ARL14EPL: variants seen among roughly 807,000 people sequenced by gnomAD.
ARL14EPL encodes ARF like GTPase 14 effector protein like, also known as ARL14 effector protein-like.
A neutral mutation model predicts 15.9 loss-of-function variants in ARL14EPL; 17 were observed. The ratio of observed to expected loss-of-function variants is 1.07; its 90% CI spans 0.73 to 1.60. The LOEUF (loss-of-function observed/expected upper bound fraction) is 1.60. Among genes scored for constraint, ARL14EPL ranks in the 40% most tolerant of loss-of-function variants. The pLI is 0.00. For synonymous variants in ARL14EPL, 78 were observed against 63.8 expected (o/e 1.22, Z -1.06); for missense variants, 214 against 185.9 (o/e 1.15, Z -0.88).
chr5:116,050,780 A>ATCTCTCTCTCTCTC (rs141191776), intron 1 of ARL14EPL, among the ~76,000 whole-genome samples: 17 of 128,866 alleles, frequency 1.3e-4, no homozygotes, highest in South Asian at 5.4e-4. Context: ...TATGGGCTCC[A>ATCTCTCTCTCTCTC]TCTCTCTCTC....
At chr5:116,042,688 A>T (rs1749184700) in intron 1 of ARL14EPL, among the ~76,000 whole-genome samples, 1 of 152,182 alleles carries the variant, frequency 6.6e-6, no homozygotes, top group African/African-American at 2.4e-5. Flanking sequence ...CTTCAGGAAG[A>T]TAAAGCTAGA....
intron 3 of ARL14EPL, among the ~76,000 whole-genome samples, chr5:116,054,549 T>TGGCTG (rs1393179330): frequency 6.6e-6 from 1 of 152,182 alleles, no homozygotes; most frequent in East Asian, 1.9e-4. Flanking sequence ...CTAAGTAAAC[T>TGGCTG]GGCTGGGCAC....
intron 1 of ARL14EPL, among the ~76,000 whole-genome samples, chr5:116,043,945 C>T (rs2416423): frequency 0.1 from 15,448 of 152,176 alleles, 1,908 homozygotes; most frequent in African/African-American, 0.29. Context: ...AAAGAATTTA[C>T]TGTGTAGGAA....
chr5:116,048,936 A>G lies in ARL14EPL; in HGVS notation c.-9-2521A>G, dbSNP rs567871368. On this transcript the variant is annotated intron_variant, in intron 1 of 3. Coordinates refer to ENST00000686077, the MANE Select transcript of ARL14EPL (RefSeq NM_001195581.2). ...TTATGATGTCTGGGAGGGGGAGATAATACAATGTTTCTCATTTATGATCAG... is the reference window on the plus strand; with the variant it reads ...TTATGATGTCTGGGAGGGGGAGATAGTACAATGTTTCTCATTTATGATCAG... Among the ~76,000 whole-genome samples the G allele has an allele frequency of 4.6e-5, 7 of 152,346 alleles. No individual in the cohort carries two copies. In the East Asian group the frequency reaches 1.3e-3, roughly 29 times the overall value.
chr5:116,042,592 G>C (rs1749181114), intron 1 of ARL14EPL, among the ~76,000 whole-genome samples: 1 of 152,192 alleles, frequency 6.6e-6, no homozygotes, highest in Non-Finnish European at 1.5e-5. Context: ...GACAATAAGG[G>C]CTATTCTTCT....
intron 3 of ARL14EPL, among the ~76,000 whole-genome samples, chr5:116,054,488 G>A (rs943098376): frequency 2.0e-5 from 3 of 152,112 alleles, no homozygotes; most frequent in Non-Finnish European, 4.4e-5. Flanking sequence ...TATTAAATGG[G>A]CACAGGACTA....
In ARL14EPL at chr5:116,059,076, C is replaced by T; in HGVS notation, c.*129C>T. 1 of 846,046 alleles carries T rather than the reference C, an allele frequency of 1.2e-6. No homozygotes were observed. Among genetic ancestry groups the T allele is most frequent in the Non-Finnish European group, 1.8e-6 (1 of 548,002 alleles). The allele number at this position is 846,046 out of a possible 1,614,324, so 52.4% of individuals were successfully genotyped here. A position where few individuals can be genotyped will look rare whatever the true frequency, so the allele number is the denominator to read the frequency against. ...TACTGAAGACTCATGTTCTGTCAAGCCCCAGAACAATGTAGAATGGGCAAT... is the reference window on the plus strand; with the variant it reads ...TACTGAAGACTCATGTTCTGTCAAGTCCCAGAACAATGTAGAATGGGCAAT... On this transcript the variant is annotated 3_prime_UTR_variant, in exon 4 of 4. Coordinates refer to ENST00000686077, the MANE Select transcript of ARL14EPL (RefSeq NM_001195581.2).
intron 3 of ARL14EPL, among the ~76,000 whole-genome samples, chr5:116,057,788 C>A (rs1190199842): frequency 6.6e-6 from 1 of 152,172 alleles, no homozygotes; most frequent in Non-Finnish European, 1.5e-5. Flanking sequence ...GGAGAGGAGG[C>A]ATTGTGCCTG....
At chr5:116,040,488 G>C (rs1301401916) in intron 1 of ARL14EPL, among the ~76,000 whole-genome samples, 2 of 151,736 alleles carry the variant, frequency 1.3e-5, no homozygotes, top group East Asian at 3.9e-4. Context: ...GGCACAGTTA[G>C]ATACAGCAAG....
In ARL14EPL at chr5:116,059,109, T is replaced by TA; in HGVS notation, c.*164dup. 1.5e-6 allele frequency: 1 copy of TA among 661,952 alleles called. No homozygotes were observed. The highest frequency in any genetic ancestry group is 2.5e-6 in the Non-Finnish European group (1 of 395,546). The allele number at this position is 661,952 out of a possible 1,614,324, so 41.0% of individuals were successfully genotyped here. On this transcript the variant is annotated 3_prime_UTR_variant, in exon 4 of 4. Coordinates refer to ENST00000686077, the MANE Select transcript of ARL14EPL (RefSeq NM_001195581.2). ...CAATGTAGAATGGGCAATAATTCTG[T>TA]AACCTTCTTAACTGTGTCAACAATT...
chr5:116,052,289 AAGCTCGGAGAG>A (rs1749402413), intron 2 of ARL14EPL: 1 of 1,412,808 alleles, frequency 7.1e-7, no homozygotes, highest in African/African-American at 1.4e-5. Flanking sequence ...CGGCATTGCG[AAGCTCGGAGAG>A]TAGCAGCAGA....
In ARL14EPL at chr5:116,058,929, G is replaced by T. The variant is rs6880759; in HGVS notation, c.441G>T (p.Pro147=). Residue 147 remains proline, a synonymous_variant, in exon 4 of 4, where the codon CCG becomes CCT. Transcript: ENST00000686077. The part of the protein sequence containing the change: ...TESGEVISTL[P]FNVPD ...CAGGAGAGGTCATCAGCACGCTGCC[G>T]TTTAATGTTCCTGACTAGGTGCTCT... 0.036 allele frequency: 55,777 copies of T among 1,535,840 alleles called. 1,483 individuals carry two copies. The highest frequency in any genetic ancestry group is 0.15 in the East Asian group (6,240 of 40,906).
intron 2 of ARL14EPL, chr5:116,052,352 T>C: frequency 1.2e-6 from 1 of 850,986 alleles, no homozygotes; most frequent in Non-Finnish European, 2.0e-6. Flanking sequence ...AAGCTACAAA[T>C]GTTTTTATTT....
At chr5:116,033,756 T>A (rs938127238) in intron 1 of ARL14EPL, among the ~76,000 whole-genome samples, 2 of 152,216 alleles carry the variant, frequency 1.3e-5, no homozygotes, top group African/African-American at 4.8e-5. Context: ...CCAAGCTATA[T>A]TCTTAAAAGT....
chr5:116,045,745 A>AGTGTGT lies in ARL14EPL; in HGVS notation c.-9-5681_-9-5676dup, dbSNP rs56960751. On this transcript the variant is annotated intron_variant, in intron 1 of 3. Transcript: ENST00000686077. ...ACATTGTTTCATATAGACCCACAGA[A>AGTGTGT]GTGTGTGTGTGTGTGTGTGTGTGTG... Among the ~76,000 whole-genome samples, 237 of 148,734 alleles carry AGTGTGT rather than the reference A, an allele frequency of 1.6e-3. 5 individuals carry two copies. Among genetic ancestry groups the AGTGTGT allele is most frequent in the East Asian group, 5.1e-3 (26 of 5,070 alleles).
chr5:116,046,121 C>T (rs1160533570), intron 1 of ARL14EPL, among the ~76,000 whole-genome samples: 1 of 152,148 alleles, frequency 6.6e-6, no homozygotes, highest in Admixed American at 6.5e-5. Context: ...TATAGGAACT[C>T]AGACTAGAGA....
rs191529183 is a variant in ARL14EPL at position 116,036,573 on chromosome 5, T to G, written c.-10+4068T>G. ...TATAGAAGCTCTAAAATGACTAGCT[T>G]CATGCGGTCAAGTCACTGTTTGGGT... On this transcript the variant is annotated intron_variant, in intron 1 of 3. Coordinates refer to ENST00000686077, the MANE Select transcript of ARL14EPL (RefSeq NM_001195581.2). Among the ~76,000 whole-genome samples the G allele has an allele frequency of 3.9e-5, 6 of 152,342 alleles. 1 individual carries two copies. The East Asian group carries it at 1.2e-3, about 29-fold the overall frequency.
At position 116,051,415 on chromosome 5, in the gene ARL14EPL, G is replaced by C. The variant is rs935834024; in HGVS notation, c.-9-42G>C. ...TCACCAGATATAGTTACTGGAGATA[G>C]ATGATATTAATATGTTTTACTTTTT... On this transcript the variant is annotated intron_variant, in intron 1 of 3. Transcript: ENST00000686077. 5.0e-6 allele frequency: 6 copies of C among 1,191,206 alleles called. No homozygotes were observed. In the African/African-American group the frequency reaches 7.6e-5, roughly 15 times the overall value. The allele number at this position is 1,191,206 out of a possible 1,614,324, so 73.8% of individuals were successfully genotyped here.
intron 1 of ARL14EPL, among the ~76,000 whole-genome samples, chr5:116,038,771 G>A (rs1053578435): frequency 2.0e-5 from 3 of 151,680 alleles, no homozygotes; most frequent in African/African-American, 7.3e-5. Flanking sequence ...ATTCTGAAAA[G>A]CACGTTCTAT....
Sources: gnomAD v4.1 joint callset for allele counts (sites outside exome capture counted in the v4.1 genomes callset) on GRCh38, gnomAD v4.1.1 for gene constraint, MANE v1.5 for transcripts, NCBI Gene and HGNC (gene_info 2026-07-23, HGNC 2026-07-21) for gene names.